Variants in LRRC27 observed in about 807,000 individuals in gnomAD.
LRRC27 encodes leucine-rich repeat-containing protein 27.
A neutral mutation model predicts 55.0 loss-of-function variants in LRRC27; 57 were observed. The ratio of observed to expected loss-of-function variants is 1.04; its 90% CI spans 0.84 to 1.29. LRRC27 has a LOEUF of 1.29. Among genes scored for constraint, LRRC27 ranks in the 50% most tolerant of loss-of-function variants. LRRC27 has a pLI of 0.00. For synonymous variants in LRRC27, 278 were observed against 251.9 expected, an observed-to-expected ratio of 1.10 and a Z score of -0.98; for missense variants, 721 against 651.5, an observed-to-expected ratio of 1.11 and a Z score of -1.16.
At chr10:132,331,070 G>A (rs1165149299), upstream of LRRC27, among the ~76,000 whole-genome samples, 2 of 151,082 alleles carry the variant, frequency 1.3e-5, no homozygotes, top group Non-Finnish European at 2.9e-5. Flanking sequence ...ACGTGGTGGC[G>A]CGCGCCTGTA....
In LRRC27 at chr10:132,344,639, C is replaced by G. The variant is rs149563961; in HGVS notation, c.542C>G (p.Pro181Arg). ...GTAGAACACTCTCTCCCCAGAAATC[C>G]AACTTCTCAAGGTTTGTAGGAGGTG... The part of the protein sequence containing the change: ...WAVEHSLPRN[P>R]TSQEAPPVRE... Residue 181 changes from proline (P) to arginine (R), a missense_variant, in exon 5 of 11, where the codon CCA becomes CGA. By Grantham distance (103) the Pro-to-Arg change is moderately radical. Transcript: ENST00000368614. 4.1e-5 allele frequency: 66 copies of G among 1,613,826 alleles called. No homozygotes were observed. The African/African-American group carries it at 6.7e-4, about 16-fold the overall frequency.
chr10:132,347,491 T>TGGGA (rs1554893971), intron 5 of LRRC27, among the ~76,000 whole-genome samples: 1 of 149,498 alleles, frequency 6.7e-6, no homozygotes, highest in Non-Finnish European at 1.5e-5. Flanking sequence ...GGGGCTTGTG[T>TGGGA]GGGAAGGTCA....
chr10:132,351,733 T>G lies in LRRC27; in HGVS notation c.1053T>G (p.Ala351=), dbSNP rs764744976. Reference sequence around the variant, plus strand: ...TCCGAGAGCTCCAGGAGAAGCAGGCTCTGATGGAGCAGCAGAGACGGTGAG... The same window carrying G: ...TCCGAGAGCTCCAGGAGAAGCAGGCGCTGATGGAGCAGCAGAGACGGTGAG... ...AALRELQEKQ[A]LMEQQRREKR... Residue 351 remains alanine (A), a synonymous_variant, in exon 7 of 11, where the codon GCT becomes GCG. Transcript: ENST00000368614. 1.2e-6 allele frequency: 2 copies of G among 1,612,036 alleles called. No homozygotes were observed. The highest frequency in any genetic ancestry group is 4.5e-5 in the East Asian group (2 of 44,824).
rs948672415 is a variant in LRRC27, at chr10:132,372,800, GCTGT to G, written c.1417-2262_1417-2259del. ...CAGGAGGGCTGGCCAGCTCCATGGCGCTGTCTGAGATATCAGCCAACCAAGACAG... is the reference window on the plus strand; with the variant it reads ...CAGGAGGGCTGGCCAGCTCCATGGCGCTGAGATATCAGCCAACCAAGACAG... On this transcript the variant is annotated intron_variant, in intron 10 of 10. Transcript: ENST00000368614. The surrounding 1 kb of genome is among the most constrained non-coding windows in gnomAD (Gnocchi z 4.0). Among the ~76,000 whole-genome samples, 2 of 152,140 alleles carry G rather than the reference GCTGT, an allele frequency of 1.3e-5. No homozygotes were observed. Among genetic ancestry groups the G allele is most frequent in the African/African-American group, 4.8e-5 (2 of 41,426 alleles).
rs1028863776 is a variant in LRRC27 at position 132,333,675 on chromosome 10, G to T, written c.151G>T (p.Asp51Tyr). The T allele has an allele frequency of 6.8e-6, 11 of 1,613,826 alleles. No individual in the cohort carries two copies. The highest frequency in any genetic ancestry group is 9.3e-6 in the Non-Finnish European group (11 of 1,180,036). The change falls in exon 2 of 11, where the codon GAC becomes TAC. Residue 51 changes from aspartate (D) to tyrosine (Y), a missense_variant. Transcript: ENST00000368614. The part of the protein sequence containing the change: ...GIIFSSSPIL[D>Y]LSESGLCRLE... ...CATCTTTTCCTCCTCACCGATTTTA[G>T]ACTTGAGTGAAAGTGGTCTGTGCCG... is the stretch of plus-strand genomic sequence containing the variant.
intron 7 of LRRC27, among the ~76,000 whole-genome samples, chr10:132,353,813 G>A (rs911209902): frequency 1.3e-5 from 2 of 152,152 alleles, no homozygotes; most frequent in Non-Finnish European, 2.9e-5. Flanking sequence ...CACTCACTGC[G>A]AGGTGAGCCC....
In LRRC27 at chr10:132,364,003, C is replaced by T. The variant is rs1311572981; in HGVS notation, c.1290-1421C>T. Among the ~76,000 whole-genome samples the T allele has an allele frequency of 3.9e-5, 6 of 152,124 alleles. No homozygotes were observed. The East Asian group carries it at 9.7e-4, about 25-fold the overall frequency. Reference sequence around the variant, plus strand: ...CATTTGAATGTTCTCTTACATCCTCCAGGGAGTTTACCTGCCATATTTGGC... The same window carrying T: ...CATTTGAATGTTCTCTTACATCCTCTAGGGAGTTTACCTGCCATATTTGGC... On this transcript the variant is annotated intron_variant, in intron 9 of 10. Coordinates refer to ENST00000368614, the MANE Select transcript of LRRC27 (RefSeq NM_030626.3).
intron 9 of LRRC27, among the ~76,000 whole-genome samples, chr10:132,364,349 CT>C: frequency 1.7e-5 from 1 of 59,092 alleles, no homozygotes; most frequent in Non-Finnish European, 3.4e-5. Context: ...CACACTTAAT[CT>C]ACCTCCACAC....
chr10:132,345,147 C>G (rs2067617012), intron 5 of LRRC27, among the ~76,000 whole-genome samples: 3 of 152,168 alleles, frequency 2.0e-5, no homozygotes, highest in African/African-American at 4.8e-5. Context: ...TTTTCAGATG[C>G]TCATGATGTG....
chr10:132,333,423 G>T (rs2066930408), intron 1 of LRRC27, 54 bp from the exon 2 acceptor site: 1 of 763,440 alleles, frequency 1.3e-6, no homozygotes, highest in Non-Finnish European at 2.0e-6. Context: ...CAGCTATTCT[G>T]TTTTGCCTCG....
rs766072931 is a variant in LRRC27 at position 132,375,144 on chromosome 10, A to G, written c.1495A>G (p.Thr499Ala). 3 of 1,614,166 alleles carry G rather than the reference A, an allele frequency of 1.9e-6. No homozygotes were observed. Among genetic ancestry groups the G allele is most frequent in the Non-Finnish European group, 2.5e-6 (3 of 1,179,996 alleles). Reference sequence around the variant, plus strand: ...CAAAGATCGTCGACGGGCGGCCCTCACTGGAAACCTTTCGCTTGGCCTGCC... The same window carrying G: ...CAAAGATCGTCGACGGGCGGCCCTCGCTGGAAACCTTTCGCTTGGCCTGCC... ...LNKDRRRAAL[T>A]GNLSLGLPAA... Residue 499 changes from threonine (T) to alanine (A), a missense_variant, in exon 11 of 11, where the codon ACT becomes GCT. Physicochemically the swap from Thr to Ala is moderately conservative, Grantham distance 58. Coordinates refer to ENST00000368614, the MANE Select transcript of LRRC27 (RefSeq NM_030626.3).
chr10:132,371,458 A>G (rs1271022459), intron 10 of LRRC27, among the ~76,000 whole-genome samples: 1 of 152,228 alleles, frequency 6.6e-6, no homozygotes, highest in Non-Finnish European at 1.5e-5. Flanking sequence ...CCCATTCTGC[A>G]CATAGGCTTA....
intron 8 of LRRC27, 47 bp downstream of exon 8, chr10:132,355,933 G>A: frequency 1.5e-6 from 2 of 1,371,318 alleles, no homozygotes; most frequent in South Asian, 1.3e-5. Context: ...AGTCCCGGGG[G>A]TGGGTGGGTG....
chr10:132,370,324 G>A (rs2069184189), intron 10 of LRRC27, among the ~76,000 whole-genome samples: 1 of 152,218 alleles, frequency 6.6e-6, no homozygotes, highest in South Asian at 2.1e-4. Context: ...AGGGAGGGAT[G>A]TGCTATGTCA....
chr10:132,380,856 G>A lies in LRRC27; in HGVS notation c.*5614G>A, dbSNP rs988105905. 6.6e-6 allele frequency among the ~76,000 whole-genome samples: 1 copy of A among 152,158 alleles called. No individual in the cohort carries two copies. Among genetic ancestry groups the A allele is most frequent in the African/African-American group, 2.4e-5 (1 of 41,414 alleles). ...TCCGTAGATTGAGGTTTACAGCTGC[G>A]GTTGCCTACCAATTCAAGATAAATG... On this transcript the variant is annotated 3_prime_UTR_variant, in exon 11 of 11. Transcript: ENST00000368614.
In LRRC27 at chr10:132,339,002, G is replaced by C. The variant is rs919189212; in HGVS notation, c.341+1307G>C. 3.3e-5 allele frequency among the ~76,000 whole-genome samples: 5 copies of C among 152,154 alleles called. 1 individual carries two copies. The South Asian group carries it at 1.0e-3, about 32-fold the overall frequency. On this transcript the variant is annotated intron_variant, in intron 3 of 10. Coordinates refer to ENST00000368614, the MANE Select transcript of LRRC27 (RefSeq NM_030626.3). ...TGGGATGACAGGCATGAGCCCCCGC[G>C]CCCGGCTACCTGAACCTCTTTTGAC...
At chr10:132,358,641 G>GTGGAGCAGTGTGGGGAGGAGCCGAGGTGA in intron 8 of LRRC27, among the ~76,000 whole-genome samples, 1 of 110,880 alleles carries the variant, frequency 9.0e-6, no homozygotes, top group Non-Finnish European at 1.9e-5. Context: ...AGCCGAGGTG[G>GTGGAGCAGTGTGGGGAGGAGCCGAGGTGA]TGGAGCAGTG....
Position 132,374,940 on chromosome 10 carries a change from G to A in LRRC27, c.1417-126G>A. 4 of 1,047,780 alleles carry A rather than the reference G, an allele frequency of 3.8e-6. No homozygotes were observed. The highest frequency in any genetic ancestry group is 1.6e-5 in the South Asian group (1 of 62,522). 64.9% of individuals were successfully genotyped at this position (1,047,780 alleles called of 1,614,324 possible). ...TGATGCGGCTTGCAGGGGCCCCGGG[G>A]CAGCGGGGCTGGCTCTGCTGACGCC... On this transcript the variant is annotated intron_variant, in intron 10 of 10. Coordinates refer to ENST00000368614, the MANE Select transcript of LRRC27 (RefSeq NM_030626.3). The surrounding 1 kb of genome is among the most constrained non-coding windows in gnomAD (Gnocchi z 4.4).
At chr10:132,341,217 C>T (rs888284302) in intron 3 of LRRC27, among the ~76,000 whole-genome samples, 4 of 151,612 alleles carry the variant, frequency 2.6e-5, no homozygotes, top group Admixed American at 6.6e-5. Flanking sequence ...CCATTAGTCT[C>T]AGCTTAGCCA....
Sources: allele counts gnomAD v4.1 joint callset (sites outside exome capture counted in the v4.1 genomes callset), GRCh38; gene constraint gnomAD v4.1.1; non-coding constraint Gnocchi (gnomAD v3.1); transcripts MANE v1.5; gene names NCBI Gene and HGNC (gene_info 2026-07-23, HGNC 2026-07-21).